The following IDH2 variants were observed in gnomAD, a reference collection of about 807,000 sequenced individuals.
IDH2 encodes the protein isocitrate dehydrogenase (NADP(+)) 2.
In IDH2, 18 loss-of-function variants were observed where a neutral mutation model predicts 50.5. The observed-to-expected ratio is 0.36, with a 90% confidence interval of 0.25 to 0.53. IDH2 has a LOEUF of 0.53. Ranked by LOEUF, IDH2 falls within the 20% of genes least tolerant of loss-of-function variation. The probability of loss-of-function intolerance (pLI) is 0.92; values close to 1 mark genes in which losing one functional copy is unlikely to be tolerated. For synonymous variants in IDH2, 280 were observed against 239.8 expected (o/e 1.17, Z -1.55); for missense variants, 518 against 610.7 (o/e 0.85, Z 1.60).
chr15:90,093,625 T>A (rs1901106122), intron 1 of IDH2, among the ~76,000 whole-genome samples: 2 of 152,012 alleles, frequency 1.3e-5, no homozygotes, highest in African/African-American at 4.8e-5. Context: ...TTTATTTATT[T>A]ATTTATTTTT....
Position 90,091,452 on chromosome 15 carries a change from CGGG to C in IDH2, c.207+98_207+100del. On this transcript the variant is annotated intron_variant, in intron 2 of 10. Coordinates refer to ENST00000330062, the MANE Select transcript of IDH2 (RefSeq NM_002168.4). ...GAGCTGCTGCTGCCTACCAGGACAA[CGGG>C]GGGGTCCTAGGGACCTGCAGTCCAG... The C allele has an allele frequency of 3.5e-6, 3 of 862,472 alleles. No homozygotes were observed. In the Admixed American group the frequency reaches 5.2e-5, roughly 15 times the overall value. The allele number at this position is 862,472 out of a possible 1,614,324, so 53.4% of individuals were successfully genotyped here.
intron 1 of IDH2, among the ~76,000 whole-genome samples, chr15:90,095,500 A>G (rs930039125): frequency 4.0e-5 from 6 of 151,722 alleles, no homozygotes; most frequent in African/African-American, 1.4e-4. Context: ...AACTATCATA[A>G]TCAGGAGCCC....
chr15:90,091,671 A>G (rs1355589132), intron 1 of IDH2, 27 bp from the exon 2 acceptor site: 3 of 1,596,722 alleles, frequency 1.9e-6, no homozygotes, highest in Non-Finnish European at 2.6e-6. Flanking sequence ...ACAGCGCATC[A>G]TGCCCCTGGG....
At position 90,084,775 on chromosome 15, in the gene IDH2, C is replaced by T. The variant is rs763632883; in HGVS notation, c.1271+41G>A. On this transcript the variant is annotated intron_variant, in intron 10 of 10. Transcript: ENST00000330062. This position sits in a 1 kb window ranked among gnomAD's most constrained non-coding sequence, Gnocchi z 5.0. ...TAGGAGGGGTCCCCTGGCTTCCTCC[C>T]ACATGGCCCCAGGGTCTGCCTACCA... 2 of 1,537,202 alleles carry T rather than the reference C, an allele frequency of 1.3e-6. No individual in the cohort carries two copies. The highest frequency in any genetic ancestry group is 2.2e-5 in the South Asian group (2 of 89,642).
intron 1 of IDH2, among the ~76,000 whole-genome samples, chr15:90,096,142 G>GA (rs539645506): frequency 1.3e-4 from 19 of 151,696 alleles, no homozygotes; most frequent in Admixed American, 5.3e-4. Flanking sequence ...ACTAAAAATA[G>GA]AAAAAAAATT....
rs1167574290 is a variant in IDH2 at position 90,102,425 on chromosome 15, G to T, written c.-35C>A. On this transcript the variant is annotated 5_prime_UTR_variant, in exon 1 of 11. Transcript: ENST00000330062. ...GAGAGCGAACGAGCAGGGCGGGAGAGGTCCGAGCGCGCGCCGCTCCTCCCG... is the reference window on the plus strand; with the variant it reads ...GAGAGCGAACGAGCAGGGCGGGAGATGTCCGAGCGCGCGCCGCTCCTCCCG... 1 of 1,165,776 alleles carries T rather than the reference G, an allele frequency of 8.6e-7. No individual in the cohort carries two copies. The highest frequency in any genetic ancestry group is 1.6e-5 in the African/African-American group (1 of 62,482). 72.2% of individuals were successfully genotyped at this position (1,165,776 alleles called of 1,614,324 possible). A position where few individuals can be genotyped will look rare whatever the true frequency, so the allele number is the denominator to read the frequency against.
chr15:90,084,194 C>T lies in IDH2; in HGVS notation c.*72G>A. 7.9e-7 allele frequency: 1 copy of T among 1,262,160 alleles called. No individual in the cohort carries two copies. The highest frequency in any genetic ancestry group is 1.2e-5 in the South Asian group (1 of 81,112). The allele number at this position is 1,262,160 out of a possible 1,614,324, so 78.2% of individuals were successfully genotyped here. On this transcript the variant is annotated 3_prime_UTR_variant, in exon 11 of 11. Coordinates refer to ENST00000330062, the MANE Select transcript of IDH2 (RefSeq NM_002168.4). This position sits in a 1 kb window ranked among gnomAD's most constrained non-coding sequence, Gnocchi z 5.0. ...CCAGAGAGGGGCTGTGAGGCTCACCCTCTGCCGCGCTCAGGAGGACCCGCC... is the reference window on the plus strand; with the variant it reads ...CCAGAGAGGGGCTGTGAGGCTCACCTTCTGCCGCGCTCAGGAGGACCCGCC...
intron 1 of IDH2, among the ~76,000 whole-genome samples, chr15:90,096,375 C>G (rs1319746099): frequency 2.0e-5 from 3 of 152,048 alleles, no homozygotes; most frequent in African/African-American, 4.8e-5. Flanking sequence ...AAATGGCCAA[C>G]AAGCACATGA....
intron 1 of IDH2, among the ~76,000 whole-genome samples, chr15:90,095,894 C>G (rs1001279522): frequency 2.0e-5 from 3 of 152,202 alleles, no homozygotes; most frequent in African/African-American, 7.2e-5. Flanking sequence ...CCAGCAGAGA[C>G]TTGTTCTGCT....
At position 90,088,650 on chromosome 15, in the gene IDH2, G is replaced by A. The variant is rs1042026735; in HGVS notation, c.471C>T (p.Ile157=). The change falls in exon 4 of 11, where the codon ATC becomes ATT. Residue 157 remains isoleucine, a synonymous_variant. Transcript: ENST00000330062. The part of the protein sequence containing the change: ...VFREPIICKN[I]PRLVPGWTKP... ...TGGTCCAGCCAGGGACTAGGCGTGG[G>A]ATGTTTTTGCAGATGATGGGCTCCC... 6.2e-7 allele frequency: 1 copy of A among 1,614,200 alleles called. No individual in the cohort carries two copies. Among genetic ancestry groups the A allele is most frequent in the Non-Finnish European group, 8.5e-7 (1 of 1,180,046 alleles).
At chr15:90,086,562 T>G (rs1255076555) in intron 7 of IDH2, among the ~76,000 whole-genome samples, 1 of 152,092 alleles carries the variant, frequency 6.6e-6, no homozygotes, top group Non-Finnish European at 1.5e-5. Context: ...CCCGCCTCCA[T>G]GCCCAGCTAA....
intron 5 of IDH2, 112 bp downstream of exon 5, chr15:90,088,247 G>T: frequency 7.2e-7 from 1 of 1,389,678 alleles, no homozygotes; most frequent in Non-Finnish European, 1.0e-6. Flanking sequence ...GGCCATTTCT[G>T]CCTCTTTGTG....
At position 90,098,563 on chromosome 15, in the gene IDH2, G is replaced by GTATGTATGTATGTATGTATGT. The variant is rs34365380; in HGVS notation, c.115+3712_115+3713insACATACATACATACATACATA. ...GTATGTATGTATGTATGTATGTATT[G>GTATGTATGTATGTATGTATGT]AGACAGAGTCTCACTCTGTCGCCTA... On this transcript the variant is annotated intron_variant, in intron 1 of 10. Coordinates refer to ENST00000330062, the MANE Select transcript of IDH2 (RefSeq NM_002168.4). This position sits in a 1 kb window ranked among gnomAD's most constrained non-coding sequence, Gnocchi z 5.1. Among the ~76,000 whole-genome samples the GTATGTATGTATGTATGTATGT allele has an allele frequency of 3.5e-5, 2 of 56,680 alleles. No individual in the cohort carries two copies. The highest frequency in any genetic ancestry group is 5.2e-5 in the African/African-American group (1 of 19,292). 37.2% of individuals were successfully genotyped at this position (56,680 alleles called of 152,430 possible). A position where few individuals can be genotyped will look rare whatever the true frequency, so the allele number is the denominator to read the frequency against.
rs112930264 is a variant in IDH2, at chr15:90,084,381, G to A, written c.1272-28C>T. ...GCAGAGAGAGCACCACTCACATCAG[G>A]GGTGGCTCCAGGCCTTGCCAAGGCC... On this transcript the variant is annotated intron_variant, in intron 10 of 10. Coordinates refer to ENST00000330062, the MANE Select transcript of IDH2 (RefSeq NM_002168.4). The surrounding 1 kb of genome is among the most constrained non-coding windows in gnomAD (Gnocchi z 5.0). The A allele has an allele frequency of 1.2e-6, 2 of 1,603,776 alleles. No individual in the cohort carries two copies. Among genetic ancestry groups the A allele is most frequent in the Non-Finnish European group, 1.7e-6 (2 of 1,172,906 alleles).
At chr15:90,091,918 G>C (rs562087402) in intron 1 of IDH2, among the ~76,000 whole-genome samples, 3 of 152,346 alleles carry the variant, frequency 2.0e-5, no homozygotes, top group East Asian at 3.9e-4. Flanking sequence ...GTTGGGAACT[G>C]GGCCACACAG....
rs376215927 is a variant in IDH2, at chr15:90,084,244, C to T, written c.*22G>A. On this transcript the variant is annotated 3_prime_UTR_variant, in exon 11 of 11. Coordinates refer to ENST00000330062, the MANE Select transcript of IDH2 (RefSeq NM_002168.4). This position sits in a 1 kb window ranked among gnomAD's most constrained non-coding sequence, Gnocchi z 5.0. ...CGGCTCAGCCCTGGCCCCTCCACTGCAGCCATGGGTGGCGCCTCCCCCTAC... is the reference window on the plus strand; with the variant it reads ...CGGCTCAGCCCTGGCCCCTCCACTGTAGCCATGGGTGGCGCCTCCCCCTAC... 12 of 1,608,780 alleles carry T rather than the reference C, an allele frequency of 7.5e-6. No individual in the cohort carries two copies. The highest frequency in any genetic ancestry group is 1.1e-5 in the South Asian group (1 of 90,714).
rs11397045 is a variant in IDH2, at chr15:90,094,901, CAAA to C, written c.116-3260_116-3258del. On this transcript the variant is annotated intron_variant, in intron 1 of 10. Coordinates refer to ENST00000330062, the MANE Select transcript of IDH2 (RefSeq NM_002168.4). Reference sequence around the variant, plus strand: ...TGGGCAACAGAACGAGACTCCATCTCAAAAAAACAAACAAACAAACAAAAAAAA... The same window carrying C: ...TGGGCAACAGAACGAGACTCCATCTCAAAACAAACAAACAAACAAAAAAAA... Among the ~76,000 whole-genome samples the C allele has an allele frequency of 3.8e-3, 449 of 119,550 alleles. 3 individuals are homozygous for C. The highest frequency in any genetic ancestry group is 0.011 in the African/African-American group (427 of 39,186). 78.4% of individuals were successfully genotyped at this position (119,550 alleles called of 152,430 possible).
intron 3 of IDH2, 115 bp from the exon 4 acceptor site, chr15:90,088,862 C>T: frequency 9.3e-7 from 1 of 1,074,242 alleles, no homozygotes; most frequent in Non-Finnish European, 1.4e-6. Flanking sequence ...ATGAGGAAGG[C>T]AGTAGAGTCT....
chr15:90,086,227 T>C (rs1900855436), intron 7 of IDH2, among the ~76,000 whole-genome samples: 1 of 152,142 alleles, frequency 6.6e-6, no homozygotes, highest in African/African-American at 2.4e-5. Flanking sequence ...GTCCTGGGCT[T>C]CCCTTTTCCC....
Sources: gnomAD v4.1 joint callset for allele counts (sites outside exome capture counted in the v4.1 genomes callset) on GRCh38, gnomAD v4.1.1 for gene constraint, Gnocchi (gnomAD v3.1) non-coding constraint, MANE v1.5 for transcripts, NCBI Gene and HGNC (gene_info 2026-07-23, HGNC 2026-07-21) for gene names.